DCT: variants seen among roughly 807,000 people sequenced by gnomAD.
The protein encoded by DCT is L-dopachrome tautomerase.
Under a neutral mutation model 53.0 loss-of-function variants are expected in DCT, and 47 were observed. That is an observed-to-expected ratio of 0.89 (90% CI 0.70 to 1.13). The LOEUF is 1.13. Among genes scored for constraint, DCT ranks in the 50% most tolerant of loss-of-function variants. The pLI is 0.00. For missense variants in DCT, 669 were observed against 637.4 expected (o/e 1.05, Z -0.53); for synonymous variants, 244 against 237.0 (o/e 1.03, Z -0.27).
At chr13:94,464,030 C>T (rs954459317) in intron 4 of DCT, among the ~76,000 whole-genome samples, 4 of 152,172 alleles carry the variant, frequency 2.6e-5, no homozygotes, top group South Asian at 2.1e-4. Context: ...TACTTGATGA[C>T]GGAAATCTCT....
At chr13:94,517,281 T>C in the DCT span, among the ~76,000 whole-genome samples, 1 of 152,208 alleles carries the variant, frequency 6.6e-6, no homozygotes, top group Admixed American at 6.5e-5. Flanking sequence ...ATTTTTGCCA[T>C]TTTCCAATGA....
the DCT span, among the ~76,000 whole-genome samples, chr13:94,508,222 C>G: frequency 6.6e-6 from 1 of 152,180 alleles, no homozygotes; most frequent in Non-Finnish European, 1.5e-5. Flanking sequence ...ACTGAGCAGA[C>G]CACTTTATAG....
the DCT span, among the ~76,000 whole-genome samples, chr13:94,532,370 A>C: frequency 2.0e-5 from 3 of 152,344 alleles, no homozygotes; most frequent in African/African-American, 7.2e-5. Context: ...ACAATGGCAA[A>C]GACTTGGAAC....
At chr13:94,508,606 T>C in the DCT span, among the ~76,000 whole-genome samples, 22 of 152,250 alleles carry the variant, frequency 1.4e-4, no homozygotes, top group East Asian at 2.3e-3. Context: ...AAGTTTCCAA[T>C]TGGAGGAGAA....
chr13:94,464,654 C>CA (rs202001971), intron 4 of DCT, among the ~76,000 whole-genome samples: 38 of 142,164 alleles, frequency 2.7e-4, no homozygotes, highest in Non-Finnish European at 3.8e-4. Flanking sequence ...AACAAAAAAA[C>CA]AAAAAACAAA....
the DCT span, among the ~76,000 whole-genome samples, chr13:94,514,064 G>A: frequency 0.016 from 2,385 of 151,140 alleles, 80 homozygotes; most frequent in African/African-American, 0.054. Context: ...AGGGATTGGC[G>A]ACGGGGCAAC....
At chr13:94,443,285 A>G in intron 7 of DCT, 151 bp downstream of exon 7, 3 of 630,516 alleles carry the variant, frequency 4.8e-6, no homozygotes, top group Non-Finnish European at 8.3e-6. Flanking sequence ...ATTTTGCTAA[A>G]TACGTATATG....
chr13:94,499,847 C>G, the DCT span, among the ~76,000 whole-genome samples: 1 of 152,148 alleles, frequency 6.6e-6, no homozygotes, highest in African/African-American at 2.4e-5. Flanking sequence ...ACCGAAAGCA[C>G]AGCTGGCCTT....
At chr13:94,468,624 A>T in intron 2 of DCT, 122 bp downstream of exon 2, 1 of 882,632 alleles carries the variant, frequency 1.1e-6, no homozygotes, top group Non-Finnish European at 1.8e-6. Context: ...GACTTTCATA[A>T]ACCTAAGGCT....
intron 6 of DCT, among the ~76,000 whole-genome samples, chr13:94,445,391 G>C (rs1383242809): frequency 1.3e-5 from 2 of 152,302 alleles, no homozygotes; most frequent in African/African-American, 4.8e-5. Context: ...GCTGTCCTGA[G>C]GCAGCCATGC....
intron 3 of DCT, among the ~76,000 whole-genome samples, chr13:94,466,023 T>TATATATAC (rs1884197642): frequency 1.0e-5 from 1 of 95,550 alleles, no homozygotes; most frequent in Non-Finnish European, 2.0e-5. Context: ...TATATATATA[T>TATATATAC]ACTGTGTACA....
At chr13:94,491,404 TA>T in the DCT span, among the ~76,000 whole-genome samples, 2 of 152,160 alleles carry the variant, frequency 1.3e-5, no homozygotes, top group East Asian at 3.8e-4. Context: ...TATATTAGAT[TA>T]GGGGCCCATC....
At chr13:94,507,398 T>C in the DCT span, among the ~76,000 whole-genome samples, 8 of 152,310 alleles carry the variant, frequency 5.3e-5, no homozygotes, top group African/African-American at 1.9e-4. Context: ...TGGTAGCCTT[T>C]CAATCTCACA....
chr13:94,545,559 T>C, the DCT span, among the ~76,000 whole-genome samples: 1 of 152,178 alleles, frequency 6.6e-6, no homozygotes, highest in South Asian at 2.1e-4. Context: ...GGCTCCCAGT[T>C]AGCTAACTCC....
the DCT span, among the ~76,000 whole-genome samples, chr13:94,531,124 T>C: frequency 2.6e-5 from 4 of 151,996 alleles, no homozygotes; most frequent in Non-Finnish European, 5.9e-5. Context: ...CAAACCACTG[T>C]TCAACGAAAT....
intron 1 of DCT, among the ~76,000 whole-genome samples, chr13:94,477,926 A>G (rs1273140825): frequency 6.6e-6 from 1 of 152,172 alleles, no homozygotes; most frequent in African/African-American, 2.4e-5. Flanking sequence ...TTGAGTGTTT[A>G]TTCCCGAAGG....
At chr13:94,450,625 G>A (rs773671592) in intron 6 of DCT, among the ~76,000 whole-genome samples, 4 of 152,070 alleles carry the variant, frequency 2.6e-5, no homozygotes, top group African/African-American at 9.7e-5. Flanking sequence ...CTAAACCCTT[G>A]AGGAAAAAAA....
the DCT span, among the ~76,000 whole-genome samples, chr13:94,497,361 A>C: frequency 6.6e-6 from 1 of 152,174 alleles, no homozygotes; most frequent in Admixed American, 6.5e-5. Flanking sequence ...CTTAAAATAA[A>C]TCTGTCTCTC....
chr13:94,476,777 T>C (rs1885118880), intron 1 of DCT, among the ~76,000 whole-genome samples: 1 of 152,088 alleles, frequency 6.6e-6, no homozygotes, highest in Non-Finnish European at 1.5e-5. Context: ...ACTTTTTCAT[T>C]GATTGACATA....
Sources: gnomAD v4.1 joint callset for allele counts (sites outside exome capture counted in the v4.1 genomes callset) on GRCh38, gnomAD v4.1.1 for gene constraint, MANE v1.5 for transcripts, NCBI Gene and HGNC (gene_info 2026-07-23, HGNC 2026-07-21) for gene names.